Variants in ATP2B3 observed in about 807,000 individuals in gnomAD.
The protein encoded by ATP2B3 is plasma membrane calcium-transporting ATPase 3.
ATP2B3 carries 12 observed loss-of-function variants against 70.8 expected under a neutral mutation model. The observed-to-expected ratio is 0.17, with a 90% CI of 0.11 to 0.27. ATP2B3 has a LOEUF of 0.27. Among genes scored for constraint, ATP2B3 ranks in the 10% least tolerant of loss-of-function variants. The pLI, the probability that ATP2B3 is intolerant of heterozygous loss-of-function variation, is 1.00. For synonymous variants in ATP2B3, 460 were observed against 497.8 expected (o/e 0.92, Z 1.01); for missense variants, 858 against 1,118.5 (o/e 0.77, Z 3.32).
chrX:153,535,730 G>A (rs1322679459), intron 2 of ATP2B3, among the ~76,000 whole-genome samples: 9 of 112,977 alleles, frequency 8.0e-5, no homozygotes, highest in South Asian at 7.2e-4. Flanking sequence ...GTGGTGGGGC[G>A]CGGGCAAGAC....
intron 21 of ATP2B3, among the ~76,000 whole-genome samples, chrX:153,568,222 C>T (rs1195360084): frequency 1.1e-4 from 12 of 111,819 alleles, no homozygotes; most frequent in Admixed American, 9.5e-4. Flanking sequence ...CTTTCTGAAG[C>T]GCTCATGACT....
chrX:153,549,474 G>A, intron 10 of ATP2B3, 23 bp from the exon 11 acceptor site: 1 of 1,209,883 alleles, frequency 8.3e-7, no homozygotes, highest in Non-Finnish European at 1.1e-6. Context: ...TGGGCCAAAT[G>A]CCCACACCCT....
At chrX:153,518,189 G>A (rs2089905060) in intron 1 of ATP2B3, among the ~76,000 whole-genome samples, 3 of 112,933 alleles carry the variant, frequency 2.7e-5, no homozygotes, top group South Asian at 7.0e-4. Flanking sequence ...CCGGGGCTCA[G>A]GGTGGGCGCA....
intron 21 of ATP2B3, among the ~76,000 whole-genome samples, chrX:153,570,810 G>A (rs1002675445): frequency 3.6e-5 from 4 of 109,958 alleles, no homozygotes; most frequent in Middle Eastern, 4.6e-3. Flanking sequence ...CCTTAACCAC[G>A]CCTTTTTCCA....
chrX:153,537,914 C>T (rs1407455641), intron 3 of ATP2B3, among the ~76,000 whole-genome samples: 4 of 112,803 alleles, frequency 3.5e-5, no homozygotes, highest in Non-Finnish European at 7.5e-5. Flanking sequence ...CTCTTGCGTG[C>T]CTGTGGAGGC....
chrX:153,575,264 C>T (rs1360407666), intron 21 of ATP2B3, among the ~76,000 whole-genome samples: 4 of 112,926 alleles, frequency 3.5e-5, no homozygotes, highest in Admixed American at 1.9e-4. Context: ...TGAGCCCCTG[C>T]TGGGTGCAGC....
At chrX:153,567,936 T>C (rs933688376) in intron 21 of ATP2B3, among the ~76,000 whole-genome samples, 3 of 112,168 alleles carry the variant, frequency 2.7e-5, no homozygotes, top group African/African-American at 9.7e-5. Flanking sequence ...AACACCTGCT[T>C]GAAAAATGGA....
chrX:153,569,548 G>T, intron 21 of ATP2B3: 2 of 1,185,831 alleles, frequency 1.7e-6, no homozygotes, highest in South Asian at 3.6e-5. Context: ...CCTCCCCTCC[G>T]TGATAGCCTG....
At chrX:153,548,329 C>A (rs2090402386) in intron 9 of ATP2B3, among the ~76,000 whole-genome samples, 1 of 111,470 alleles carries the variant, frequency 9.0e-6, no homozygotes, top group Non-Finnish European at 1.9e-5. Context: ...GGTACCCCAA[C>A]TTCTGGGGTG....
chrX:153,564,039 C>G (rs1481726073), intron 20 of ATP2B3, among the ~76,000 whole-genome samples: 2 of 112,133 alleles, frequency 1.8e-5, no homozygotes, highest in African/African-American at 6.5e-5. Context: ...CTACAATATG[C>G]GAAGCCATGC....
At chrX:153,556,477 G>A in intron 15 of ATP2B3, 59 bp downstream of exon 15, 1 of 1,107,502 alleles carries the variant, frequency 9.0e-7, no homozygotes, top group Non-Finnish European at 1.2e-6. Context: ...TCTGCTTCCT[G>A]ACACCAAAAG....
chrX:153,537,298 G>A (rs1487409362), intron 3 of ATP2B3, among the ~76,000 whole-genome samples: 2 of 113,466 alleles, frequency 1.8e-5, no homozygotes, highest in East Asian at 2.8e-4. Context: ...AGGGCTGCTG[G>A]GGCTATCCCA....
At chrX:153,565,793 G>A (rs2090698315) in intron 21 of ATP2B3, among the ~76,000 whole-genome samples, 1 of 112,347 alleles carries the variant, frequency 8.9e-6, no homozygotes, top group African/African-American at 3.2e-5. Flanking sequence ...CCCCTCCCTG[G>A]AACTCTCTTG....
At chrX:153,519,246 C>A (rs976702993) in intron 2 of ATP2B3, among the ~76,000 whole-genome samples, 7 of 112,474 alleles carry the variant, frequency 6.2e-5, no homozygotes, top group African/African-American at 1.9e-4. Flanking sequence ...CCCCATTTTT[C>A]AGATGGGATC....
At chrX:153,531,992 CA>C (rs782702706) in intron 2 of ATP2B3, among the ~76,000 whole-genome samples, 1 of 111,954 alleles carries the variant, frequency 8.9e-6, no homozygotes, top group East Asian at 2.8e-4. Context: ...GGGAGGCTTT[CA>C]GGGGTGTCAT....
At chrX:153,565,624 G>A (rs970911007) in intron 21 of ATP2B3, among the ~76,000 whole-genome samples, 9 of 112,470 alleles carry the variant, frequency 8.0e-5, no homozygotes, top group Non-Finnish European at 1.7e-4. Context: ...GGTTAGGGCC[G>A]GCCAAGACCA....
rs1557015399 is a variant in ATP2B3, at chrX:153,559,813, C to A, written c.2710C>A (p.Pro904Thr). Residue 904 changes from proline (P) to threonine (T), a missense_variant, in exon 18 of 22, where the codon CCC (proline) becomes ACC (threonine). Pro to Thr is a conservative substitution (Grantham distance 38). Around this residue, in one of 5 missense-constraint regions of ATP2B3, gnomAD observed 265 missense variants for 305.3 expected, o/e 0.87. Transcript: ENST00000263519. ...CTCTCTGGCCCTGGCGACGGAGCCA[C>A]CCACAGAGTCGCTGCTGCTGCGGAA... ...FASLALATEP[P>T]TESLLLRKPY... The A allele has an allele frequency of 7.4e-6, 9 of 1,212,132 alleles. No individual in the cohort carries two copies. The highest frequency in any genetic ancestry group is 8.9e-6 in the Non-Finnish European group (8 of 895,549).
chrX:153,520,646 G>A (rs1255459419), intron 2 of ATP2B3, among the ~76,000 whole-genome samples: 2 of 112,670 alleles, frequency 1.8e-5, no homozygotes, highest in African/African-American at 6.5e-5. Context: ...TTTGCATTGC[G>A]GCTGAGGCCC....
Position 153,548,625 on chromosome X carries a change from C to T in ATP2B3, c.1124-15C>T. 2 of 1,204,675 alleles carry T rather than the reference C, an allele frequency of 1.7e-6. No homozygotes were observed. Among genetic ancestry groups the T allele is most frequent in the Admixed American group, 2.2e-5 (1 of 45,987 alleles). On this transcript the variant is annotated splice_polypyrimidine_tract_variant and intron_variant, in intron 9 of 21. Transcript: ENST00000263519. The stretch of plus-strand genomic sequence containing the variant: ...CCGTGGCAACCCCTTTCGTCTCCTC[C>T]CCGCTCTGTGGCAGGGCTGGTGATG...
Sources: allele counts gnomAD v4.1 joint callset (sites outside exome capture counted in the v4.1 genomes callset), GRCh38; gene constraint gnomAD v4.1.1; regional missense constraint gnomAD v4.1.1; transcripts MANE v1.5; gene names NCBI Gene and HGNC (gene_info 2026-07-23, HGNC 2026-07-21).